Variants in PARG observed in about 807,000 individuals in gnomAD.
The protein encoded by PARG is mitochondrial poly(ADP-ribose) glycohydrolase.
In PARG, 35 loss-of-function variants were observed where a neutral mutation model predicts 113.0. That is an observed-to-expected ratio of 0.31 (90% CI 0.24 to 0.41). The LOEUF is 0.41. PARG is among the 10% of genes least tolerant of loss of function. The pLI is 1.00. For synonymous variants in PARG, 330 were observed against 409.9 expected (o/e 0.81, Z 2.36); for missense variants, 797 against 1,169.4 (o/e 0.68, Z 4.64).
intron 4 of PARG, among the ~76,000 whole-genome samples, chr10:49,931,171 C>T (rs1297005275): frequency 0.013 from 1,908 of 151,672 alleles, 45 homozygotes; most frequent in African/African-American, 0.043. Flanking sequence ...CCATAGCCCT[C>T]GTTATAGTCT....
At chr10:49,888,581 C>T (rs1184470697) in intron 7 of PARG, among the ~76,000 whole-genome samples, 1 of 152,148 alleles carries the variant, frequency 6.6e-6, no homozygotes, top group Non-Finnish European at 1.5e-5. Flanking sequence ...GCTGAGAGAT[C>T]CGTTGTCATT....
intron 4 of PARG, among the ~76,000 whole-genome samples, chr10:49,931,402 C>T (rs1382332609): frequency 6.6e-6 from 1 of 151,946 alleles, no homozygotes; most frequent in Non-Finnish European, 1.5e-5. Flanking sequence ...AGATTCTGAC[C>T]CGCCCTAAAC....
At chr10:49,881,059 A>C (rs1186875458) in intron 8 of PARG, among the ~76,000 whole-genome samples, 1 of 152,228 alleles carries the variant, frequency 6.6e-6, no homozygotes, top group Non-Finnish European at 1.5e-5. Flanking sequence ...TTTCATCCAC[A>C]TCATAAAACC....
At chr10:49,864,448 G>GT (rs1454732196) in intron 11 of PARG, among the ~76,000 whole-genome samples, 2 of 151,408 alleles carry the variant, frequency 1.3e-5, no homozygotes, top group South Asian at 2.1e-4. Flanking sequence ...TCAAGTTAAC[G>GT]TTTTTTTAAG....
chr10:49,862,441 T>C (rs1554836125), intron 11 of PARG, among the ~76,000 whole-genome samples: 1 of 151,854 alleles, frequency 6.6e-6, no homozygotes, highest in Non-Finnish European at 1.5e-5. Context: ...ATGATTATAT[T>C]TTTAGAAAAT....
intron 13 of PARG, among the ~76,000 whole-genome samples, chr10:49,848,428 A>G (rs1845611486): frequency 6.9e-6 from 1 of 145,552 alleles, no homozygotes. Context: ...TATATGATTA[A>G]AAATTTCCAG....
rs577720360 is a variant in PARG at position 49,834,099 on chromosome 10, C to T, written c.2542-1191G>A. On this transcript the variant is annotated intron_variant, in intron 15 of 17. Coordinates refer to ENST00000616448, the MANE Select transcript of PARG (RefSeq NM_003631.5). ...CATTATTCAACACTGTGGTATAGAGCTTACACAAGCGCTCACAAATTACCT... is the reference window on the plus strand; with the variant it reads ...CATTATTCAACACTGTGGTATAGAGTTTACACAAGCGCTCACAAATTACCT... Among the ~76,000 whole-genome samples, 5 of 152,222 alleles carry T rather than the reference C, an allele frequency of 3.3e-5. No homozygotes were observed. The South Asian group carries it at 6.2e-4, about 19-fold the overall frequency.
intron 13 of PARG, among the ~76,000 whole-genome samples, chr10:49,848,132 C>T (rs1243466463): frequency 1.3e-5 from 2 of 150,506 alleles, no homozygotes; most frequent in East Asian, 2.0e-4. Flanking sequence ...GGGCGGATCA[C>T]AAGGTCAAGA....
At chr10:49,914,133 C>T (rs3106098) in intron 7 of PARG, among the ~76,000 whole-genome samples, 1 of 152,122 alleles carries the variant, frequency 6.6e-6, no homozygotes, top group Non-Finnish European at 1.5e-5. Context: ...AAGAGAGAAA[C>T]AAATGACTAC....
Position 49,933,330 on chromosome 10 carries a change from C to T in PARG, c.1118G>A (p.Gly373Glu), listed in dbSNP as rs1554910321. Reference sequence around the variant, plus strand: ...ATCATTCATTCCAGTGCGACTCTCTCCTCCTTCAAATTGGAAATGTAATCT... The same window carrying T: ...ATCATTCATTCCAGTGCGACTCTCTTCTCCTTCAAATTGGAAATGTAATCT... ...EVRLHFQFEG[G>E]ESRTGMNDLN... Residue 373 changes from glycine to glutamate, a missense_variant, in exon 3 of 18, where the codon GGA becomes GAA. By Grantham distance (98) the Gly-to-Glu change is moderately conservative. This residue lies in a region of PARG where 252 missense variants were observed against 437.4 expected (regional missense o/e 0.58). Coordinates refer to ENST00000616448, the MANE Select transcript of PARG (RefSeq NM_003631.5). The T allele has an allele frequency of 3.1e-6, 5 of 1,612,102 alleles. No individual in the cohort carries two copies. The highest frequency in any genetic ancestry group is 1.3e-5 in the African/African-American group (1 of 74,904).
chr10:49,851,796 AAAG>A (rs1214636627), intron 13 of PARG, among the ~76,000 whole-genome samples: 8 of 151,458 alleles, frequency 5.3e-5, no homozygotes, highest in African/African-American at 1.5e-4. Context: ...AAAAAAAAAA[AAAG>A]AAGAAATGGG....
chr10:49,824,596 G>A (rs1278721864), intron 16 of PARG, among the ~76,000 whole-genome samples: 1 of 152,110 alleles, frequency 6.6e-6, no homozygotes, highest in African/African-American at 2.4e-5. Context: ...AATGGACCAA[G>A]CACAAAATGG....
chr10:49,859,128 T>C (rs1273372656), intron 12 of PARG, among the ~76,000 whole-genome samples: 1 of 144,100 alleles, frequency 6.9e-6, no homozygotes, highest in Non-Finnish European at 1.5e-5. Context: ...GCTGAGGGCA[T>C]AGCTGCACAA....
Position 49,931,983 on chromosome 10 carries a change from T to C in PARG, c.1455+117A>G, listed in dbSNP as rs1172951593. On this transcript the variant is annotated intron_variant, in intron 4 of 17. Transcript: ENST00000616448. ...CCATTCTGTAGAATTCTCAGTATTT[T>C]ATATATGCAGAAAACAGAAGAACTT... 13 of 663,246 alleles carry C rather than the reference T, an allele frequency of 2.0e-5. No homozygotes were observed. In the African/African-American group the frequency reaches 2.2e-4, roughly 11 times the overall value. 41.1% of individuals were successfully genotyped at this position (663,246 alleles called of 1,614,324 possible).
chr10:49,896,152 T>C (rs1848075887), intron 7 of PARG, among the ~76,000 whole-genome samples: 1 of 152,230 alleles, frequency 6.6e-6, no homozygotes, highest in African/African-American at 2.4e-5. Context: ...AGCATGGGTG[T>C]TCTTGCTTTT....
At chr10:49,917,378 A>C (rs1315776261) in intron 6 of PARG, among the ~76,000 whole-genome samples, 43 of 150,974 alleles carry the variant, frequency 2.8e-4, no homozygotes, top group Non-Finnish European at 5.3e-4. Flanking sequence ...AATCCCAGCT[A>C]CTCGGGAGGC....
At chr10:49,876,796 C>T (rs1298167958) in intron 9 of PARG, among the ~76,000 whole-genome samples, 2 of 150,916 alleles carry the variant, frequency 1.3e-5, no homozygotes, top group Non-Finnish European at 3.0e-5. Context: ...GGGAATATTG[C>T]AGTTGCTCAT....
intron 6 of PARG, among the ~76,000 whole-genome samples, chr10:49,918,075 T>C (rs1242373352): frequency 3.9e-4 from 59 of 152,100 alleles, no homozygotes; most frequent in Non-Finnish European, 1.3e-4. Flanking sequence ...GAATGTAAAC[T>C]ATAGTGAAAA....
At chr10:49,914,856 A>C (rs1220487732) in intron 7 of PARG, among the ~76,000 whole-genome samples, 1 of 152,220 alleles carries the variant, frequency 6.6e-6, no homozygotes, top group Non-Finnish European at 1.5e-5. Context: ...TTTTCAACAA[A>C]TGGTGCTGGG....
Sources: allele counts gnomAD v4.1 joint callset (sites outside exome capture counted in the v4.1 genomes callset), GRCh38; gene constraint gnomAD v4.1.1; regional missense constraint gnomAD v4.1.1; transcripts MANE v1.5; gene names NCBI Gene and HGNC (gene_info 2026-07-23, HGNC 2026-07-21).